MYRIP: variants seen among roughly 807,000 people sequenced by gnomAD.
MYRIP encodes the protein rab effector MyRIP.
In MYRIP, 49 loss-of-function variants were observed where a neutral mutation model predicts 98.0. That is an observed-to-expected ratio of 0.50 (90% CI 0.40 to 0.63). The LOEUF (loss-of-function observed/expected upper bound fraction) is 0.63. Among genes scored for constraint, MYRIP ranks in the 30% least tolerant of loss-of-function variants. MYRIP has a pLI of 0.00. For synonymous variants in MYRIP, 404 were observed against 409.5 expected (o/e 0.99, Z 0.16); for missense variants, 1,004 against 1,058.2 (o/e 0.95, Z 0.71).
Position 40,044,423 on chromosome 3 carries a change from A to G in MYRIP, c.332+152A>G, listed in dbSNP as rs1947624214. ...GCTTGCTGAAGAGAGATGCATGGAT[A>G]AGGAAACCTGTTGATCTTTATAGGG... On this transcript the variant is annotated intron_variant, in intron 3 of 16. Transcript: ENST00000302541. 6.3e-6 allele frequency: 5 copies of G among 790,552 alleles called. No individual in the cohort carries two copies. In the South Asian group the frequency reaches 7.2e-5, roughly 11 times the overall value. The allele number at this position is 790,552 out of a possible 1,614,324, so 49.0% of individuals were successfully genotyped here.
Position 40,044,067 on chromosome 3 carries a change from T to C in MYRIP, c.128T>C (p.Leu43Pro). Residue 43 changes from leucine to proline, a missense_variant, in exon 3 of 17, where the codon CTG (leucine) becomes CCG (proline). Transcript: ENST00000302541. ...TTTCCCAGTGAGCTGAAGCAGAAGC[T>C]GGATGAGGAAGGCAGCAAGTGCAGC... ...EERLSELKQK[L>P]DEEGSKCSIL... 1 of 1,613,930 alleles carries C rather than the reference T, an allele frequency of 6.2e-7. No homozygotes were observed. The highest frequency in any genetic ancestry group is 8.5e-7 in the Non-Finnish European group (1 of 1,179,892).
At chr3:40,038,365 A>G (rs932901142) in intron 2 of MYRIP, among the ~76,000 whole-genome samples, 1 of 152,156 alleles carries the variant, frequency 6.6e-6, no homozygotes, top group African/African-American at 2.4e-5. Flanking sequence ...AGAAAAGAAT[A>G]AACTCAAACC....
At position 40,192,327 on chromosome 3, in the gene MYRIP, T is replaced by A. The variant is rs1342614111; in HGVS notation, c.1665+1864T>A. Among the ~76,000 whole-genome samples the A allele has an allele frequency of 0.012, 132 of 10,946 alleles. 10 individuals carry two copies. The Middle Eastern group carries it at 0.21, about 18-fold the overall frequency. The allele number at this position is 10,946 out of a possible 152,430, so 7.2% of individuals were successfully genotyped here. The stretch of plus-strand genomic sequence containing the variant: ...TTTTCTTCATATATATATATATATG[T>A]CATATATATATATGTCATATATATA... On this transcript the variant is annotated intron_variant, in intron 10 of 16. Transcript: ENST00000302541.
chr3:39,824,377 A>T (rs1315372953), intron 1 of MYRIP, among the ~76,000 whole-genome samples: 1 of 151,856 alleles, frequency 6.6e-6, no homozygotes, highest in Non-Finnish European at 1.5e-5. Context: ...TTTGTTTTCT[A>T]TTTTTGTGAA....
intron 3 of MYRIP, among the ~76,000 whole-genome samples, chr3:40,124,066 G>A (rs1294041151): frequency 2.0e-5 from 3 of 152,156 alleles, no homozygotes; most frequent in Non-Finnish European, 4.4e-5. Flanking sequence ...CTCAGAAATC[G>A]CAGAACCTCA....
chr3:39,950,729 T>C (rs545751893), intron 2 of MYRIP, among the ~76,000 whole-genome samples: 1 of 152,204 alleles, frequency 6.6e-6, no homozygotes, highest in Admixed American at 6.6e-5. Context: ...GTTAGGCTGA[T>C]AGACTCCAGC....
intron 7 of MYRIP, among the ~76,000 whole-genome samples, chr3:40,167,869 G>T (rs1456014633): frequency 1.3e-5 from 2 of 152,184 alleles, no homozygotes; most frequent in Non-Finnish European, 2.9e-5. Context: ...ACACAGAGCA[G>T]CAGGGTCTGG....
chr3:40,178,562 ACT>A (rs1219667647), intron 8 of MYRIP, among the ~76,000 whole-genome samples: 1 of 152,094 alleles, frequency 6.6e-6, no homozygotes, highest in Admixed American at 6.5e-5. Context: ...TTCAATCCTG[ACT>A]CTGTTTACTC....
At chr3:39,924,417 T>C (rs531911955) in intron 2 of MYRIP, among the ~76,000 whole-genome samples, 1 of 152,148 alleles carries the variant, frequency 6.6e-6, no homozygotes, top group Non-Finnish European at 1.5e-5. Flanking sequence ...AACAGGTCGA[T>C]CAACGAAGAA....
intron 11 of MYRIP, among the ~76,000 whole-genome samples, chr3:40,214,736 G>A (rs1431894807): frequency 6.6e-6 from 1 of 152,174 alleles, no homozygotes; most frequent in Non-Finnish European, 1.5e-5. Flanking sequence ...CTGGGAATGA[G>A]CACTCGTTTC....
chr3:40,246,561 A>G (rs1559474972), intron 13 of MYRIP, among the ~76,000 whole-genome samples: 1 of 152,138 alleles, frequency 6.6e-6, no homozygotes, highest in African/African-American at 2.4e-5. Flanking sequence ...TAAGCTATTA[A>G]TTTACATTGT....
At chr3:40,154,679 G>A (rs1191622232) in intron 4 of MYRIP, among the ~76,000 whole-genome samples, 1 of 152,056 alleles carries the variant, frequency 6.6e-6, no homozygotes, top group East Asian at 1.9e-4. Context: ...ACATGTATTA[G>A]CTATTTATCC....
chr3:40,257,596 C>T (rs1419952559), intron 16 of MYRIP, among the ~76,000 whole-genome samples: 1 of 152,144 alleles, frequency 6.6e-6, no homozygotes, highest in South Asian at 2.1e-4. Context: ...TAATTTGTAG[C>T]TTAATCCAAT....
intron 10 of MYRIP, among the ~76,000 whole-genome samples, chr3:40,200,883 C>T (rs751264525): frequency 1.3e-5 from 2 of 151,992 alleles, no homozygotes; most frequent in Non-Finnish European, 2.9e-5. Context: ...GAATCACCAC[C>T]AAAATCCATG....
At position 40,166,898 on chromosome 3, in the gene MYRIP, C is replaced by A. The variant is rs1409577662; in HGVS notation, c.603C>A (p.Ala201=). 1 of 1,614,014 alleles carries A rather than the reference C, an allele frequency of 6.2e-7. No individual in the cohort carries two copies. The highest frequency in any genetic ancestry group is 1.3e-5 in the African/African-American group (1 of 75,018). Residue 201 remains alanine (A), a synonymous_variant, in exon 6 of 17, where the codon GCC becomes GCA. Transcript: ENST00000302541. ...TGGCCCTACGGGTGGCTGAAGAGGC[C>A]ATTGAGGAAGCAATTTCCAAAGCAG... ...LAVALRVAEE[A]IEEAISKAEA...
At chr3:40,203,961 AT>A (rs1951674170) in intron 10 of MYRIP, among the ~76,000 whole-genome samples, 2 of 19,736 alleles carry the variant, frequency 1.0e-4, no homozygotes, top group Admixed American at 9.1e-4. Flanking sequence ...TATATATTAT[AT>A]ACATTATATA....
chr3:40,180,705 G>A (rs1316590104), intron 8 of MYRIP, among the ~76,000 whole-genome samples: 1 of 152,228 alleles, frequency 6.6e-6, no homozygotes, highest in Non-Finnish European at 1.5e-5. Flanking sequence ...TATTTGAAGG[G>A]ATAGGAGCAG....
At chr3:39,854,699 G>A (rs571632684) in intron 1 of MYRIP, among the ~76,000 whole-genome samples, 1 of 152,226 alleles carries the variant, frequency 6.6e-6, no homozygotes, top group Admixed American at 6.5e-5. Flanking sequence ...TGATCTTTTG[G>A]GGTGTTACAG....
At chr3:40,256,878 C>G (rs1339832653) in intron 16 of MYRIP, among the ~76,000 whole-genome samples, 1 of 152,040 alleles carries the variant, frequency 6.6e-6, no homozygotes, top group Non-Finnish European at 1.5e-5. Flanking sequence ...TCATGAAAGC[C>G]TGCTCCGTGG....
Sources: gnomAD v4.1 joint callset for allele counts (sites outside exome capture counted in the v4.1 genomes callset) on GRCh38, gnomAD v4.1.1 for gene constraint, MANE v1.5 for transcripts, NCBI Gene and HGNC (gene_info 2026-07-23, HGNC 2026-07-21) for gene names.